The following MYOM1 variants were observed in gnomAD, a reference collection of about 807,000 sequenced individuals.
MYOM1 encodes the protein myomesin 1.
A neutral mutation model predicts 205.3 loss-of-function variants in MYOM1; 164 were observed. The observed-to-expected ratio is 0.80, with a 90% CI of 0.70 to 0.91. The LOEUF (loss-of-function observed/expected upper bound fraction) is 0.91, where lower values mean the gene tolerates loss of function less well. MYOM1 is among the 40% of genes least tolerant of loss of function. MYOM1 has a pLI of 0.00. For synonymous variants in MYOM1, 772 were observed against 789.4 expected (o/e 0.98, Z 0.37); for missense variants, 2,011 against 2,127.3 (o/e 0.95, Z 1.08).
intron 18 of MYOM1, among the ~76,000 whole-genome samples, chr18:3,128,441 A>C (rs779553264): frequency 1.3e-5 from 2 of 152,236 alleles, no homozygotes; most frequent in Non-Finnish European, 2.9e-5. Context: ...TATTAGCCAC[A>C]GGTACCAAAT....
the MYOM1 span, among the ~76,000 whole-genome samples, chr18:3,229,799 G>T: frequency 2.6e-5 from 4 of 151,992 alleles, no homozygotes; most frequent in African/African-American, 7.3e-5. Context: ...GAGAAAACTT[G>T]TCTCTATTAA....
chr18:3,235,151 C>T, the MYOM1 span, among the ~76,000 whole-genome samples: 1 of 152,168 alleles, frequency 6.6e-6, no homozygotes, highest in Non-Finnish European at 1.5e-5. Context: ...CTCAATACAT[C>T]CTCCATGATT....
intron 13 of MYOM1, among the ~76,000 whole-genome samples, chr18:3,146,933 G>C (rs2080131181): frequency 6.6e-6 from 1 of 150,554 alleles, no homozygotes. Context: ...AAGGATGCAG[G>C]ACACAAAATC....
chr18:3,190,898 A>C (rs1187461312), intron 3 of MYOM1, among the ~76,000 whole-genome samples: 1 of 152,188 alleles, frequency 6.6e-6, no homozygotes, highest in African/African-American at 2.4e-5. Context: ...CTGATACTGG[A>C]TATGTTGGCA....
At chr18:3,215,359 T>C (rs566579582) in intron 1 of MYOM1, 108 bp from the exon 2 acceptor site, 26 of 911,556 alleles carry the variant, frequency 2.9e-5, no homozygotes, top group Non-Finnish European at 4.0e-5. Flanking sequence ...GGTGCGGTGG[T>C]TCATGCTTGA....
intron 5 of MYOM1, among the ~76,000 whole-genome samples, chr18:3,182,409 T>C (rs1213662245): frequency 6.6e-6 from 1 of 152,218 alleles, no homozygotes; most frequent in Non-Finnish European, 1.5e-5. Flanking sequence ...GTTGTGCACA[T>C]GTACCCTAGA....
intron 5 of MYOM1, among the ~76,000 whole-genome samples, chr18:3,183,195 C>G (rs1213899249): frequency 1.3e-5 from 2 of 152,200 alleles, no homozygotes; most frequent in African/African-American, 4.8e-5. Context: ...TCCCAAAGTG[C>G]TGGGATTACA....
chr18:3,191,620 G>C (rs1175211612), intron 3 of MYOM1, among the ~76,000 whole-genome samples: 1 of 151,994 alleles, frequency 6.6e-6, no homozygotes, highest in Non-Finnish European at 1.5e-5. Context: ...CAGTAACAGA[G>C]TATAGGTGAT....
chr18:3,176,166 T>A (rs371070160), intron 5 of MYOM1, 32 bp from the exon 6 acceptor site: 36 of 1,350,364 alleles, frequency 2.7e-5, no homozygotes, highest in Non-Finnish European at 3.6e-5. Context: ...ATGAAGTAAG[T>A]TGAAGTGTAA....
At chr18:3,160,403 C>G (rs915777061) in intron 10 of MYOM1, among the ~76,000 whole-genome samples, 1 of 152,098 alleles carries the variant, frequency 6.6e-6, no homozygotes, top group Non-Finnish European at 1.5e-5. Context: ...CCAGGCTGGT[C>G]TCACACTCCT....
chr18:3,239,842 A>G, the MYOM1 span, among the ~76,000 whole-genome samples: 1 of 151,082 alleles, frequency 6.6e-6, no homozygotes, highest in Admixed American at 6.6e-5. Context: ...TCGAGGGCCC[A>G]CTTGAAGTCT....
intron 16 of MYOM1, among the ~76,000 whole-genome samples, chr18:3,132,118 G>GTGTGTGTA (rs369243798): frequency 6.4e-4 from 92 of 143,452 alleles, no homozygotes; most frequent in African/African-American, 2.3e-3. Flanking sequence ...ATATGTGTGT[G>GTGTGTGTA]TATATATATA....
intron 29 of MYOM1, among the ~76,000 whole-genome samples, chr18:3,088,063 C>T (rs985950714): frequency 7.2e-5 from 11 of 152,116 alleles, no homozygotes; most frequent in African/African-American, 2.4e-4. Flanking sequence ...GGCATTGGAA[C>T]GACAGCATAA....
chr18:3,087,007 A>T lies in MYOM1; in HGVS notation c.4138-856T>A, dbSNP rs566571623. ...TTTAAAATGTGAAACAATTTCAGCTAATAAATAAACATAGGAACCACCCTG... is the reference window on the plus strand; with the variant it reads ...TTTAAAATGTGAAACAATTTCAGCTTATAAATAAACATAGGAACCACCCTG... On this transcript the variant is annotated intron_variant, in intron 29 of 37. Coordinates refer to ENST00000356443, the MANE Select transcript of MYOM1 (RefSeq NM_003803.4). Among the ~76,000 whole-genome samples the T allele has an allele frequency of 2.8e-4, 42 of 152,346 alleles. No individual in the cohort carries two copies. In the South Asian group the frequency reaches 8.5e-3, roughly 31 times the overall value.
the MYOM1 span, chr18:3,236,561 A>G: frequency 6.6e-5 from 10 of 152,232 alleles, no homozygotes; most frequent in Non-Finnish European, 1.3e-4. Context: ...TTTCGGCCTG[A>G]GCAACTTAAA....
intron 36 of MYOM1, among the ~76,000 whole-genome samples, chr18:3,074,419 T>C (rs2078997569): frequency 1.3e-5 from 2 of 152,206 alleles, no homozygotes; most frequent in Admixed American, 6.5e-5. Context: ...CCCTGTCCCC[T>C]TCACATCCAG....
intron 2 of MYOM1, among the ~76,000 whole-genome samples, chr18:3,202,108 G>A (rs1726508908): frequency 6.6e-6 from 1 of 152,126 alleles, no homozygotes; most frequent in African/African-American, 2.4e-5. Flanking sequence ...CTGGTATTCA[G>A]TGAGTATATA....
chr18:3,100,588 T>C (rs1397041908), intron 23 of MYOM1, among the ~76,000 whole-genome samples, 162 bp from the exon 24 acceptor site: 4 of 152,198 alleles, frequency 2.6e-5, no homozygotes, highest in Non-Finnish European at 4.4e-5. Flanking sequence ...TCAGATTCAA[T>C]GTCATTTACT....
chr18:3,171,915 T>G (rs1359444728), intron 8 of MYOM1, among the ~76,000 whole-genome samples: 1 of 152,188 alleles, frequency 6.6e-6, no homozygotes, highest in Non-Finnish European at 1.5e-5. Flanking sequence ...CAGAAAATGT[T>G]TGGTGACTCC....
Sources: allele counts gnomAD v4.1 joint callset (sites outside exome capture counted in the v4.1 genomes callset), GRCh38; gene constraint gnomAD v4.1.1; transcripts MANE v1.5; gene names NCBI Gene and HGNC (gene_info 2026-07-23, HGNC 2026-07-21).